The following ENTR1 variants were observed in gnomAD, a reference collection of about 807,000 sequenced individuals.
The protein encoded by ENTR1 is endosome associated trafficking regulator 1.
Under a neutral mutation model 47.9 loss-of-function variants are expected in ENTR1, and 47 were observed. The observed-to-expected ratio is 0.98, with a 90% CI of 0.78 to 1.25. The LOEUF (loss-of-function observed/expected upper bound fraction) is 1.25. Among genes scored for constraint, ENTR1 ranks in the 50% most tolerant of loss-of-function variants. ENTR1 has a pLI of 0.00. For synonymous variants in ENTR1, 290 were observed against 245.8 expected (o/e 1.18, Z -1.68); for missense variants, 668 against 570.5 (o/e 1.17, Z -1.74).
Position 136,407,853 on chromosome 9 carries a change from C to T in ENTR1, c.375G>A (p.Glu125=). Residue 125 remains glutamate (E), a synonymous_variant, in exon 4 of 10, where the codon GAG becomes GAA. Transcript: ENST00000357365. ...TTGCATAAATTCTGCTGGCCGGATCCTCTTTCGAGAGGCCGAGGTTCTTGG... is the reference window on the plus strand; with the variant it reads ...TTGCATAAATTCTGCTGGCCGGATCTTCTTTCGAGAGGCCGAGGTTCTTGG... ...LKTKNLGLSK[E]DPASRIYAKE... The T allele has an allele frequency of 6.2e-7, 1 of 1,613,122 alleles. No homozygotes were observed. Among genetic ancestry groups the T allele is most frequent in the South Asian group, 1.1e-5 (1 of 91,074 alleles).
chr9:136,408,438 C>A (rs758477598), intron 3 of ENTR1, among the ~76,000 whole-genome samples: 1 of 151,954 alleles, frequency 6.6e-6, no homozygotes, highest in Non-Finnish European at 1.5e-5. Flanking sequence ...ATTAGCCAGG[C>A]GTGGTGGTGA....
chr9:136,406,975 G>A (rs1379725161), intron 5 of ENTR1, 170 bp downstream of exon 5: 7 of 661,974 alleles, frequency 1.1e-5, no homozygotes, highest in South Asian at 2.0e-5. Context: ...CTATTCCCAC[G>A]TGTAACCAGA....
At chr9:136,405,310 T>C (rs1388602193) in intron 6 of ENTR1, 108 bp from the exon 7 acceptor site, 3 of 861,100 alleles carry the variant, frequency 3.5e-6, no homozygotes, top group East Asian at 5.2e-5. Flanking sequence ...TGTGATGGAA[T>C]GGGTCTCAGG....
chr9:136,403,288 A>AGGGGGTCCC, intron 9 of ENTR1, among the ~76,000 whole-genome samples: 1 of 119,664 alleles, frequency 8.4e-6, no homozygotes, highest in Admixed American at 8.3e-5. Context: ...GGAGAAACAG[A>AGGGGGTCCC]AGGGGTCCCA....
rs374607516 is a variant in ENTR1 at position 136,409,060 on chromosome 9, G to A, written c.228C>T (p.Gly76=). The A allele has an allele frequency of 2.0e-5, 33 of 1,613,720 alleles. No individual in the cohort carries two copies. The African/African-American group carries it at 3.7e-4, about 18-fold the overall frequency. ...GCTTAGAACATTTCCCCTTTCCATA[G>A]CCAAAATCTGCAAAGAAACAATGTC... is the stretch of plus-strand genomic sequence containing the variant. The part of the protein sequence containing the change: ...VLASVGDTDF[G]YGKGKCSKQS... Residue 76 remains glycine, a synonymous_variant, in exon 3 of 10, where the codon GGC becomes GGT. Coordinates refer to ENST00000357365, the MANE Select transcript of ENTR1 (RefSeq NM_001039707.2).
At chr9:136,402,943 G>A in intron 9 of ENTR1, 56 bp from the exon 10 acceptor site, 1 of 1,362,580 alleles carries the variant, frequency 7.3e-7, no homozygotes, top group Non-Finnish European at 1.0e-6. Flanking sequence ...GCAGCAACAG[G>A]GTTCTGGGGG....
At chr9:136,408,606 A>G (rs1344157270) in intron 3 of ENTR1, among the ~76,000 whole-genome samples, 1 of 152,096 alleles carries the variant, frequency 6.6e-6, no homozygotes, top group Non-Finnish European at 1.5e-5. Context: ...CCAGCTCCTC[A>G]GGTGCTGCAA....
At chr9:136,409,102 G>A (rs374780922) in intron 2 of ENTR1, 35 bp from the exon 3 acceptor site, 58 of 1,601,866 alleles carry the variant, frequency 3.6e-5, no homozygotes, top group Middle Eastern at 1.7e-4. Flanking sequence ...CATGCTGGCA[G>A]GAAGTCTTTA....
In ENTR1 at chr9:136,410,531, G is replaced by T; in HGVS notation, c.-134C>A. ...CGTCGCCCGCCGCTCGGCCGCCCCCGCGCCTCCGAGCCTCTCGCCGCTGCT... is the reference window on the plus strand; with the variant it reads ...CGTCGCCCGCCGCTCGGCCGCCCCCTCGCCTCCGAGCCTCTCGCCGCTGCT... On this transcript the variant is annotated 5_prime_UTR_variant, in exon 1 of 10. Coordinates refer to ENST00000357365, the MANE Select transcript of ENTR1 (RefSeq NM_001039707.2). 9.5e-7 allele frequency: 1 copy of T among 1,057,654 alleles called. No homozygotes were observed. 65.5% of individuals were successfully genotyped at this position (1,057,654 alleles called of 1,614,324 possible).
chr9:136,404,778 G>T, intron 7 of ENTR1, 85 bp from the exon 8 acceptor site: 1 of 1,412,010 alleles, frequency 7.1e-7, no homozygotes, highest in Admixed American at 1.8e-5. Flanking sequence ...CCAGGGAGCA[G>T]GAGGGCACCC....
chr9:136,404,346 C>G (rs1834657861), intron 8 of ENTR1, 152 bp from the exon 9 acceptor site: 1 of 1,031,566 alleles, frequency 9.7e-7, no homozygotes, highest in Non-Finnish European at 1.4e-6. Context: ...GACTGGGGGC[C>G]TAATGGCTTC....
At chr9:136,404,563 T>G in intron 8 of ENTR1, 68 bp downstream of exon 8, 2 of 1,542,694 alleles carry the variant, frequency 1.3e-6, no homozygotes, top group South Asian at 2.2e-5. Flanking sequence ...TTTCGCCTCT[T>G]TCTTACTGAA....
rs760604520 is a variant in ENTR1 at position 136,409,042 on chromosome 9, A to T, written c.246T>A (p.Cys82Ter). ...DTDFGYGKGK[C>*]SKQSPSGAHG... ...GGGCTCCTGACGGGCTCTGCTTAGA[A>T]CATTTCCCCTTTCCATAGCCAAAAT... The change falls in exon 3 of 10, where the codon TGT (cysteine) becomes TGA (stop). Residue 82 changes from cysteine to a stop codon, truncating the protein, a stop_gained. Transcript: ENST00000357365. LOFTEE classifies it high-confidence loss of function. 7 of 1,613,872 alleles carry T rather than the reference A, an allele frequency of 4.3e-6. No individual in the cohort carries two copies. The highest frequency in any genetic ancestry group is 5.9e-6 in the Non-Finnish European group (7 of 1,180,002).
chr9:136,407,768 G>A (rs1834850986), intron 4 of ENTR1, 58 bp downstream of exon 4: 5 of 1,433,270 alleles, frequency 3.5e-6, no homozygotes, highest in Non-Finnish European at 4.9e-6. Context: ...AAAGGAGGCT[G>A]CAGAGGCCGG....
rs376383807 is a variant in ENTR1, at chr9:136,405,193, C to T, written c.903G>A (p.Thr301=). ...FSEAQTEMVR[T]LERKLEAKMI... is the part of the protein sequence containing the mutation. ...TTTTTGCTTCTAACTTCCGCTCAAG[C>T]GTCCTCACCCTTGTTAAAGAAAAAC... Residue 301 remains threonine, a synonymous_variant, in exon 7 of 10, where the codon ACG becomes ACA. Transcript: ENST00000357365. 99 of 1,613,552 alleles carry T rather than the reference C, an allele frequency of 6.1e-5. No individual in the cohort carries two copies. In the African/African-American group the frequency reaches 1.2e-3, roughly 20 times the overall value.
chr9:136,405,875 G>A (rs1422390068), intron 6 of ENTR1, 30 bp downstream of exon 6: 5 of 1,396,318 alleles, frequency 3.6e-6, no homozygotes, highest in East Asian at 2.3e-5. Flanking sequence ...AGATGTTGTG[G>A]ATTGCATTCC....
chr9:136,407,194 T>G lies in ENTR1; in HGVS notation c.770A>C (p.Glu257Ala), dbSNP rs1834806456. 7 of 1,611,422 alleles carry G rather than the reference T, an allele frequency of 4.3e-6. No individual in the cohort carries two copies. In the Admixed American group the frequency reaches 1.2e-4, roughly 27 times the overall value. Residue 257 changes from glutamate (E) to alanine (A), a missense_variant, in exon 5 of 10, where the codon GAG becomes GCG. Glu to Ala is a moderately radical substitution (Grantham distance 107). Transcript: ENST00000357365. ...CCGCAGGTGCCTGTCTCCCAGAGAC[T>G]CTCCATGAACCGCAAAGTCTGCGCT... is the stretch of plus-strand genomic sequence containing the variant. ...SPSADFAVHG[E>A]SLGDRHLRTL... is the part of the protein sequence containing the mutation.
chr9:136,410,554 G>A lies in ENTR1; in HGVS notation c.-157C>T. ...CCGCGCCTCCGAGCCTCTCGCCGCT[G>A]CTTCCGCTCCGAGCACCGAAAGCGC... On this transcript the variant is annotated 5_prime_UTR_variant, in exon 1 of 10. Transcript: ENST00000357365. 1.8e-6 allele frequency: 2 copies of A among 1,138,546 alleles called. No homozygotes were observed. Among genetic ancestry groups the A allele is most frequent in the Non-Finnish European group, 2.2e-6 (2 of 904,128 alleles). 70.5% of individuals were successfully genotyped at this position (1,138,546 alleles called of 1,614,324 possible). A position where few individuals can be genotyped will look rare whatever the true frequency, so the allele number is the denominator to read the frequency against.
intron 9 of ENTR1, among the ~76,000 whole-genome samples, chr9:136,403,773 C>T (rs75859952): frequency 0.039 from 5,943 of 152,204 alleles, 146 homozygotes; most frequent in East Asian, 0.12. Context: ...TTCAGAGCTT[C>T]AGCGCCCACA....
Sources: gnomAD v4.1 joint callset for allele counts (sites outside exome capture counted in the v4.1 genomes callset) on GRCh38, gnomAD v4.1.1 for gene constraint, MANE v1.5 for transcripts, NCBI Gene and HGNC (gene_info 2026-07-23, HGNC 2026-07-21) for gene names.